Variants in LUC7L observed in about 807,000 individuals in gnomAD.
The protein encoded by LUC7L is putative RNA-binding protein Luc7-like 1.
A neutral mutation model predicts 51.1 loss-of-function variants in LUC7L; 29 were observed. The ratio of observed to expected loss-of-function variants is 0.57; its 90% CI spans 0.42 to 0.77. LUC7L has a LOEUF of 0.77. Among genes scored for constraint, LUC7L ranks in the 30% least tolerant of loss-of-function variants. The pLI is 0.00. For missense variants in LUC7L, 403 were observed against 511.9 expected (o/e 0.79, Z 2.05); for synonymous variants, 181 against 180.7 (o/e 1.00, Z -0.01).
At chr16:193,533 C>T (rs2049068809) in intron 6 of LUC7L, among the ~76,000 whole-genome samples, 2 of 152,082 alleles carry the variant, frequency 1.3e-5, no homozygotes, top group South Asian at 2.1e-4. Flanking sequence ...GAGACAGAGT[C>T]CGCCCTGTTG....
intron 2 of LUC7L, among the ~76,000 whole-genome samples, chr16:225,343 G>C (rs150130899): frequency 1.3e-5 from 2 of 151,618 alleles, no homozygotes; most frequent in Non-Finnish European, 2.9e-5. Context: ...AAAGTTAGCC[G>C]GGCGAGGTGG....
At chr16:225,885 A>G (rs903106405) in intron 2 of LUC7L, among the ~76,000 whole-genome samples, 1 of 152,150 alleles carries the variant, frequency 6.6e-6, no homozygotes, top group African/African-American at 2.4e-5. Context: ...TATGCTACAC[A>G]GGGTCTGGCC....
intron 2 of LUC7L, among the ~76,000 whole-genome samples, chr16:221,242 G>A (rs143362847): frequency 3.1e-5 from 4 of 128,968 alleles, no homozygotes; most frequent in East Asian, 2.4e-4. Context: ...ACAGGGTTTC[G>A]CCACGTTGGC....
chr16:196,212 A>C (rs919333864), intron 6 of LUC7L, among the ~76,000 whole-genome samples: 4 of 152,188 alleles, frequency 2.6e-5, no homozygotes, highest in Admixed American at 6.5e-5. Context: ...GTTCGAGATC[A>C]GCCTGAGCAA....
intron 2 of LUC7L, among the ~76,000 whole-genome samples, chr16:225,580 G>A (rs766935821): frequency 9.6e-5 from 14 of 146,110 alleles, no homozygotes; most frequent in Non-Finnish European, 1.6e-4. Flanking sequence ...TCTGCCTCGC[G>A]GGTTCAAGTG....
At chr16:228,794 G>C (rs925933957) in intron 1 of LUC7L, 8 of 1,287,876 alleles carry the variant, frequency 6.2e-6, no homozygotes, top group Non-Finnish European at 8.1e-6. Flanking sequence ...ACCCACGTTA[G>C]AAAAGCTCAG....
chr16:196,692 TA>T (rs1257344073), intron 6 of LUC7L, among the ~76,000 whole-genome samples: 4 of 151,542 alleles, frequency 2.6e-5, no homozygotes, highest in Non-Finnish European at 5.9e-5. Context: ...CATGCCCAGC[TA>T]ATTTTTGTGT....
Position 215,665 on chromosome 16 carries a change from T to C in LUC7L, c.255+4984A>G, listed in dbSNP as rs986081082. The stretch of plus-strand genomic sequence containing the variant: ...GAAAATACAGAAAATTGGCCAGGTG[T>C]GGTGACATGCACCTGTAGTCCCAGC... On this transcript the variant is annotated intron_variant, in intron 3 of 9. Coordinates refer to ENST00000293872, the MANE Select transcript of LUC7L (RefSeq NM_201412.3). Among the ~76,000 whole-genome samples the C allele has an allele frequency of 2.7e-4, 40 of 149,064 alleles. 1 individual carries two copies. Among genetic ancestry groups the C allele is most frequent in the Non-Finnish European group, 5.5e-4 (37 of 67,546 alleles).
At chr16:229,008 G>A (rs1399431192) in intron 1 of LUC7L, 11 of 1,448,670 alleles carry the variant, frequency 7.6e-6, no homozygotes, top group East Asian at 5.4e-5. Context: ...CGCCCGCCGG[G>A]GAGGAAGTAG....
intron 9 of LUC7L, 188 bp downstream of exon 9, chr16:189,780 G>C: frequency 7.1e-7 from 1 of 1,417,024 alleles, no homozygotes; most frequent in East Asian, 2.5e-5. Flanking sequence ...CCATCACCTG[G>C]CGCCGTGCGA....
chr16:203,146 T>TAA (rs201219633), intron 5 of LUC7L, among the ~76,000 whole-genome samples: 1 of 150,790 alleles, frequency 6.6e-6, no homozygotes, highest in Non-Finnish European at 1.5e-5. Context: ...AGACTCCGTG[T>TAA]AAAAAAAAAG....
rs370401127 is a variant in LUC7L, at chr16:217,203, G to A, written c.255+3446C>T. Reference sequence around the variant, plus strand: ...AGCTAATTTTTGTATTTTTAGAAGAGGCAGCGTTTCACCATGTTGGCCAGG... The same window carrying A: ...AGCTAATTTTTGTATTTTTAGAAGAAGCAGCGTTTCACCATGTTGGCCAGG... On this transcript the variant is annotated intron_variant, in intron 3 of 9. Coordinates refer to ENST00000293872, the MANE Select transcript of LUC7L (RefSeq NM_201412.3). Among the ~76,000 whole-genome samples, 10 of 151,966 alleles carry A rather than the reference G, an allele frequency of 6.6e-5. No homozygotes were observed. The South Asian group carries it at 2.1e-3, about 32-fold the overall frequency.
At chr16:190,677 G>C in intron 7 of LUC7L, 107 bp from the exon 8 acceptor site, 3 of 980,666 alleles carry the variant, frequency 3.1e-6, no homozygotes, top group Non-Finnish European at 4.9e-6. Flanking sequence ...GTCACGAGCT[G>C]GAGACCAGCC....
At chr16:206,815 TCGGGAGGACAAGG>T (rs2049495652) in intron 4 of LUC7L, among the ~76,000 whole-genome samples, 2 of 149,496 alleles carry the variant, frequency 1.3e-5, no homozygotes, top group Admixed American at 6.8e-5. Flanking sequence ...TCCCAGCACT[TCGGGAGGACAAGG>T]CGGGAGGATT....
intron 5 of LUC7L, among the ~76,000 whole-genome samples, chr16:199,702 C>T (rs927408435): frequency 2.3e-5 from 3 of 128,912 alleles, no homozygotes; most frequent in Admixed American, 1.9e-4. Context: ...ACTCGGGAGG[C>T]GGAGGTTGCT....
intron 6 of LUC7L, among the ~76,000 whole-genome samples, chr16:193,238 T>TCC (rs1737172171): frequency 8.8e-4 from 134 of 152,020 alleles, no homozygotes; most frequent in African/African-American, 3.1e-3. Context: ...AACTTCCACC[T>TCC]CGAGTTCAAC....
At chr16:198,006 C>T (rs2858013) in intron 6 of LUC7L, among the ~76,000 whole-genome samples, 24,974 of 152,006 alleles carry the variant, frequency 0.16, 2,366 homozygotes, top group African/African-American at 0.25. Flanking sequence ...CGGTGGCTCA[C>T]GCCTGTGGTC....
chr16:200,878 G>A (rs538389678), intron 5 of LUC7L, among the ~76,000 whole-genome samples: 1 of 152,038 alleles, frequency 6.6e-6, no homozygotes, highest in South Asian at 2.1e-4. Context: ...GCTGACAGCA[G>A]GACCCTCTAA....
chr16:223,812 G>C (rs139890648), intron 2 of LUC7L, among the ~76,000 whole-genome samples: 1 of 151,948 alleles, frequency 6.6e-6, no homozygotes, highest in East Asian at 1.9e-4. Context: ...TGGGACTACA[G>C]GGGCACGCCA....
Sources: gnomAD v4.1 joint callset for allele counts (sites outside exome capture counted in the v4.1 genomes callset) on GRCh38, gnomAD v4.1.1 for gene constraint, MANE v1.5 for transcripts, NCBI Gene and HGNC (gene_info 2026-07-23, HGNC 2026-07-21) for gene names.